CDKL5: variants seen among roughly 807,000 people sequenced by gnomAD.
The protein encoded by CDKL5 is cyclin-dependent kinase-like 5.
CDKL5 carries 8 observed loss-of-function variants against 61.7 expected under a neutral mutation model. That is an observed-to-expected ratio of 0.13 (90% CI 0.08 to 0.23). The LOEUF is 0.23. Among genes scored for constraint, CDKL5 ranks in the 10% least tolerant of loss-of-function variants. The pLI is 1.00. For synonymous variants in CDKL5, 275 were observed against 272.3 expected (o/e 1.01, Z -0.10); for missense variants, 440 against 734.5 (o/e 0.60, Z 4.63).
intron 3 of CDKL5, among the ~76,000 whole-genome samples, chrX:18,560,776 TACAC>T (rs57724882): frequency 3.2e-4 from 33 of 103,876 alleles, no homozygotes; most frequent in Non-Finnish European, 3.7e-4. Flanking sequence ...ATTCAAAAAA[TACAC>T]ACACACACAC....
chrX:18,579,541 T>C (rs1925405464), intron 5 of CDKL5, among the ~76,000 whole-genome samples: 1 of 111,534 alleles, frequency 9.0e-6, no homozygotes, highest in Non-Finnish European at 1.9e-5. Context: ...GTGTCATATT[T>C]CTACTTTGTA....
chrX:18,576,958 A>G (rs1006803414), intron 5 of CDKL5, among the ~76,000 whole-genome samples: 10 of 110,206 alleles, frequency 9.1e-5, no homozygotes, highest in African/African-American at 3.0e-4. Context: ...ATTCACAGGT[A>G]TGATTATAGC....
At chrX:18,463,659 T>C (rs1932339385) in intron 1 of CDKL5, among the ~76,000 whole-genome samples, 1 of 112,363 alleles carries the variant, frequency 8.9e-6, no homozygotes, top group Non-Finnish European at 1.9e-5. Flanking sequence ...AAAAACATCC[T>C]GTCCACATTA....
intron 20 of CDKL5, among the ~76,000 whole-genome samples, chrX:18,646,752 A>C (rs2071828): frequency 1.8e-5 from 2 of 109,862 alleles, no homozygotes; most frequent in African/African-American, 6.6e-5. Context: ...CACCTGCTGT[A>C]CCCCACGCCT....
chrX:18,595,163 C>T (rs777120877), intron 9 of CDKL5, among the ~76,000 whole-genome samples, 185 bp from the exon 10 acceptor site: 5 of 111,806 alleles, frequency 4.5e-5, no homozygotes, highest in Non-Finnish European at 9.4e-5. Context: ...GCCTGGGCAA[C>T]AGCATGAAAC....
chrX:18,646,397 GC>G (rs749576493), intron 20 of CDKL5, among the ~76,000 whole-genome samples: 9 of 111,901 alleles, frequency 8.0e-5, no homozygotes, highest in African/African-American at 2.6e-4. Context: ...CAGGTAATCT[GC>G]CCCCCCTCGG....
At chrX:18,603,332 G>T (rs1290485453) in intron 11 of CDKL5, among the ~76,000 whole-genome samples, 1 of 111,449 alleles carries the variant, frequency 9.0e-6, no homozygotes, top group African/African-American at 3.3e-5. Context: ...CTTTTTAGAG[G>T]GTCATTTTCT....
chrX:18,561,780 A>G (rs1360552007), intron 3 of CDKL5, among the ~76,000 whole-genome samples: 1 of 111,293 alleles, frequency 9.0e-6, no homozygotes, highest in Non-Finnish European at 1.9e-5. Context: ...TTAAATCTGG[A>G]TTCCCTCAAC....
chrX:18,546,646 A>G (rs1047974416), intron 3 of CDKL5, among the ~76,000 whole-genome samples: 9 of 111,615 alleles, frequency 8.1e-5, no homozygotes, highest in African/African-American at 2.9e-4. Context: ...AGGTATTTAG[A>G]ACAGCTGAAC....
chrX:18,553,461 T>TGTAC (rs1924472102), intron 3 of CDKL5, among the ~76,000 whole-genome samples: 1 of 100,420 alleles, frequency 1.0e-5, no homozygotes, highest in African/African-American at 4.0e-5. Context: ...GTTGTGTGTG[T>TGTAC]GTGCGTGTGT....
intron 3 of CDKL5, among the ~76,000 whole-genome samples, chrX:18,522,793 A>ATT (rs199694634): frequency 1.5e-4 from 13 of 84,615 alleles, no homozygotes; most frequent in African/African-American, 2.6e-4. Context: ...AATATTATCG[A>ATT]TTTTTTTTTT....
intron 3 of CDKL5, among the ~76,000 whole-genome samples, chrX:18,525,904 G>A (rs780290276): frequency 2.2e-4 from 24 of 110,054 alleles, no homozygotes; most frequent in Admixed American, 6.8e-4. Flanking sequence ...CCACCACCAC[G>A]CCTGGCTAAT....
At chrX:18,514,574 G>T (rs1922942793) in intron 3 of CDKL5, among the ~76,000 whole-genome samples, 1 of 108,720 alleles carries the variant, frequency 9.2e-6, no homozygotes, top group African/African-American at 3.3e-5. Flanking sequence ...GGGCGTGGGG[G>T]CGCATGCTTT....
intron 1 of CDKL5, among the ~76,000 whole-genome samples, chrX:18,456,367 A>G (rs751093988): frequency 1.8e-5 from 2 of 111,809 alleles, no homozygotes; most frequent in Non-Finnish European, 3.8e-5. Context: ...TCACAACCCA[A>G]TCTTGATGTG....
rs1569227926 is a variant in CDKL5, at chrX:18,639,849, CAT to C, written c.*11093_*11094del. ...GAGTGACAAGTGACATAGTGATACA[CAT>C]GTTATAACGTGGATGAACTTTAAAA... On this transcript the variant is annotated 3_prime_UTR_variant, in exon 18 of 18. Transcript: ENST00000623535. The C allele has an allele frequency of 8.9e-6, 1 of 112,063 alleles. No individual in the cohort carries two copies. The highest frequency in any genetic ancestry group is 9.4e-5 in the Admixed American group (1 of 10,599). 9.2% of individuals were successfully genotyped at this position (112,063 alleles called of 1,213,427 possible).
At chrX:18,476,865 C>G (rs1921334367) in intron 1 of CDKL5, among the ~76,000 whole-genome samples, 1 of 111,384 alleles carries the variant, frequency 9.0e-6, no homozygotes, top group African/African-American at 3.3e-5. Context: ...CTCCCGGGTT[C>G]AAGCGATTCT....
chrX:18,632,070 CA>C lies in CDKL5; in HGVS notation c.*3315del. Reference sequence around the variant, plus strand: ...CCCCAAACAAACAGTGGTCCAGCCCCAAGCACTACTAGTGCTGAGGTTGAGA... The same window carrying C: ...CCCCAAACAAACAGTGGTCCAGCCCCAGCACTACTAGTGCTGAGGTTGAGA... On this transcript the variant is annotated 3_prime_UTR_variant, in exon 18 of 18. Transcript: ENST00000623535. 1 of 700,860 alleles carries C rather than the reference CA, an allele frequency of 1.4e-6. No individual in the cohort carries two copies. The highest frequency in any genetic ancestry group is 2.3e-5 in the African/African-American group (1 of 42,798). The allele number at this position is 700,860 out of a possible 1,213,427, so 57.8% of individuals were successfully genotyped here. A position where few individuals can be genotyped will look rare whatever the true frequency, so the allele number is the denominator to read the frequency against.
intron 1 of CDKL5, among the ~76,000 whole-genome samples, chrX:18,448,419 C>T (rs1931931683): frequency 8.9e-6 from 1 of 112,219 alleles, no homozygotes; most frequent in Admixed American, 9.5e-5. Context: ...CTCACATCAT[C>T]TCTCTTCTGC....
At position 18,577,110 on chromosome X, in the gene CDKL5, C is replaced by T. The variant is rs747339095; in HGVS notation, c.282+1620C>T. On this transcript the variant is annotated intron_variant, in intron 5 of 17. Transcript: ENST00000623535. ...AAATAATCATGCAGTTTGTAGTTTT[C>T]ACTACCAAATAAGAAAATTTTGACA... Among the ~76,000 whole-genome samples, 83 of 111,505 alleles carry T rather than the reference C, an allele frequency of 7.4e-4. 1 individual carries two copies. The highest frequency in any genetic ancestry group is 6.9e-3 in the Admixed American group (72 of 10,457).
Sources: gnomAD v4.1 joint callset for allele counts (sites outside exome capture counted in the v4.1 genomes callset) on GRCh38, gnomAD v4.1.1 for gene constraint, MANE v1.5 for transcripts, NCBI Gene and HGNC (gene_info 2026-07-23, HGNC 2026-07-21) for gene names.